Variants in ADAMTS18 observed in about 807,000 individuals in gnomAD.
ADAMTS18 encodes the protein ADAM metallopeptidase with thrombospondin type 1 motif 18.
A neutral mutation model predicts 165.9 loss-of-function variants in ADAMTS18; 157 were observed. That is an observed-to-expected ratio of 0.95 (90% confidence interval 0.83 to 1.08). ADAMTS18 has a LOEUF of 1.08. Ranked by LOEUF, ADAMTS18 falls within the 50% of genes least tolerant of loss-of-function variation. The pLI is 0.00. For synonymous variants in ADAMTS18, 782 were observed against 578.2 expected, an observed-to-expected ratio of 1.35 and a Z score of -5.06; for missense variants, 2,040 against 1,534.0, an observed-to-expected ratio of 1.33 and a Z score of -5.51.
At chr16:77,298,412 A>C (rs918228139) in intron 17 of ADAMTS18, among the ~76,000 whole-genome samples, 3 of 152,138 alleles carry the variant, frequency 2.0e-5, no homozygotes, top group Non-Finnish European at 2.9e-5. Context: ...TAATCTGAGA[A>C]AGAATAAGTC....
chr16:77,325,802 G>A (rs957926563), intron 13 of ADAMTS18, 64 bp downstream of exon 13: 1 of 1,504,142 alleles, frequency 6.6e-7, no homozygotes, highest in Admixed American at 1.8e-5. Context: ...AATTTCTTCT[G>A]TATTGGTCAA....
chr16:77,337,808 C>A (rs1470916328), intron 11 of ADAMTS18, among the ~76,000 whole-genome samples: 3 of 152,100 alleles, frequency 2.0e-5, no homozygotes, highest in African/African-American at 7.2e-5. Flanking sequence ...AATGTACACA[C>A]AGACCTGCAC....
chr16:77,398,805 T>G (rs186577705), intron 3 of ADAMTS18, among the ~76,000 whole-genome samples: 2 of 152,106 alleles, frequency 1.3e-5, no homozygotes, highest in Non-Finnish European at 2.9e-5. Flanking sequence ...ACAGCTACTG[T>G]TGTAGGTAGA....
chr16:77,320,017 G>C lies in ADAMTS18; in HGVS notation c.2364C>G (p.Tyr788Ter), dbSNP rs777518062. ...TTTGACTGAGGCTTCGAACTGCGAG[G>C]TAACTGGAGGAAACCTGCAGCTCCT... ...EIQELQVSSSYLAVRSLSQKY... is the reference protein window; with the variant it reads ...EIQELQVSSS Residue 788 changes from tyrosine (Y) to a stop codon, truncating the protein, a stop_gained, in exon 16 of 23, where the codon TAC (tyrosine) becomes TAG (stop). Transcript: ENST00000282849. LOFTEE classifies it high-confidence loss of function. The C allele has an allele frequency of 7.7e-5, 125 of 1,614,050 alleles. No individual in the cohort carries two copies. Among genetic ancestry groups the C allele is most frequent in the Non-Finnish European group, 1.0e-4 (123 of 1,180,036 alleles).
intron 12 of ADAMTS18, among the ~76,000 whole-genome samples, chr16:77,327,838 C>T (rs551176399): frequency 2.6e-5 from 4 of 152,280 alleles, no homozygotes; most frequent in African/African-American, 9.6e-5. Flanking sequence ...CCACACTTTG[C>T]CATGCACCTA....
chr16:77,334,896 G>C lies in ADAMTS18; in HGVS notation c.1859+860C>G, dbSNP rs1024865946. 2.2e-5 allele frequency among the ~76,000 whole-genome samples: 3 copies of C among 133,518 alleles called. No individual in the cohort carries two copies. The South Asian group carries it at 6.7e-4, about 30-fold the overall frequency. 87.6% of individuals were successfully genotyped at this position (133,518 alleles called of 152,430 possible). A position where few individuals can be genotyped will look rare whatever the true frequency, so the allele number is the denominator to read the frequency against. On this transcript the variant is annotated intron_variant, in intron 12 of 22. Coordinates refer to ENST00000282849, the MANE Select transcript of ADAMTS18 (RefSeq NM_199355.4). Reference sequence around the variant, plus strand: ...TATGCACTATATATTATAATATACAGTATATATACTGTACATTATAGTATA... The same window carrying C: ...TATGCACTATATATTATAATATACACTATATATACTGTACATTATAGTATA...
intron 13 of ADAMTS18, among the ~76,000 whole-genome samples, 186 bp from the exon 14 acceptor site, chr16:77,322,652 T>C (rs75258039): frequency 0.087 from 13,258 of 152,254 alleles, 793 homozygotes; most frequent in East Asian, 0.27. Flanking sequence ...TAACAATCCA[T>C]ATAAAACTAA....
At chr16:77,400,711 C>T (rs1331269688) in intron 3 of ADAMTS18, among the ~76,000 whole-genome samples, 11 of 151,490 alleles carry the variant, frequency 7.3e-5, no homozygotes, top group Non-Finnish European at 1.2e-4. Context: ...CCTCGTGATC[C>T]GCCTGCCTCG....
chr16:77,371,541 T>C lies in ADAMTS18; in HGVS notation c.496-3818A>G, dbSNP rs967022670. On this transcript the variant is annotated intron_variant, in intron 3 of 22. Transcript: ENST00000282849. ...AACACAGTGGGGAAAGGACAGTTTT[T>C]TCAACAAATAATGCTGGAAAAACTG... Among the ~76,000 whole-genome samples the C allele has an allele frequency of 2.6e-5, 4 of 152,284 alleles. No individual in the cohort carries two copies. In the East Asian group the frequency reaches 5.8e-4, roughly 22 times the overall value.
At chr16:77,337,213 G>A (rs997442908) in intron 11 of ADAMTS18, among the ~76,000 whole-genome samples, 3 of 152,124 alleles carry the variant, frequency 2.0e-5, no homozygotes, top group Admixed American at 6.5e-5. Context: ...GAAGGCTATC[G>A]GTCATTTGAG....
Position 77,293,113 on chromosome 16 carries a change from T to C in ADAMTS18, c.3152A>G (p.Asn1051Ser). The C allele has an allele frequency of 6.2e-7, 1 of 1,614,068 alleles. No individual in the cohort carries two copies. Among genetic ancestry groups the C allele is most frequent in the South Asian group, 1.1e-5 (1 of 91,068 alleles). Residue 1051 changes from asparagine to serine, a missense_variant, in exon 20 of 23, where the codon AAC becomes AGC. Physicochemically the swap from Asn to Ser is conservative, Grantham distance 46. Transcript: ENST00000282849. ...EGCVLGRCPK[N>S]SRLQWVASSW... ...AGAAGCGACCCACTGTAGCCGGCTGTTCTTGGGGCATCGTCCAAGCACACA... is the reference window on the plus strand; with the variant it reads ...AGAAGCGACCCACTGTAGCCGGCTGCTCTTGGGGCATCGTCCAAGCACACA...
At chr16:77,395,080 G>A (rs567318319) in intron 3 of ADAMTS18, among the ~76,000 whole-genome samples, 1 of 152,250 alleles carries the variant, frequency 6.6e-6, no homozygotes, top group South Asian at 2.1e-4. Context: ...CTTTATTTCT[G>A]GTCCAAGGAG....
At chr16:77,306,968 T>C (rs780630385) in intron 16 of ADAMTS18, among the ~76,000 whole-genome samples, 40 of 152,210 alleles carry the variant, frequency 2.6e-4, no homozygotes, top group Non-Finnish European at 4.9e-4. Flanking sequence ...TTTAAAATTC[T>C]AAAAACTGTG....
intron 3 of ADAMTS18, among the ~76,000 whole-genome samples, chr16:77,427,041 T>G (rs1469702613): frequency 6.7e-6 from 1 of 149,222 alleles, no homozygotes; most frequent in African/African-American, 2.4e-5. Flanking sequence ...TAAAAAATGA[T>G]GAGTCAATGT....
intron 7 of ADAMTS18, among the ~76,000 whole-genome samples, chr16:77,360,631 A>C (rs983253081): frequency 2.0e-5 from 3 of 152,252 alleles, no homozygotes; most frequent in Non-Finnish European, 4.4e-5. Context: ...CAAATTCAGA[A>C]TATGAATGGA....
intron 3 of ADAMTS18, among the ~76,000 whole-genome samples, chr16:77,390,630 C>A (rs1367691638): frequency 3.3e-5 from 5 of 151,130 alleles, no homozygotes; most frequent in African/African-American, 1.2e-4. Context: ...ACGGAGGTTG[C>A]AGTGAGTGGA....
At chr16:77,321,253 G>T (rs767939649) in intron 14 of ADAMTS18, 51 bp from the exon 15 acceptor site, 5 of 1,610,804 alleles carry the variant, frequency 3.1e-6, no homozygotes, top group Non-Finnish European at 4.2e-6. Flanking sequence ...AGAAGCCAGA[G>T]GCTGGGAATA....
chr16:77,397,345 T>C (rs907873865), intron 3 of ADAMTS18, among the ~76,000 whole-genome samples: 2 of 152,202 alleles, frequency 1.3e-5, no homozygotes, highest in African/African-American at 2.4e-5. Flanking sequence ...TAAAGGATGT[T>C]AGACTTCCCA....
At chr16:77,300,993 A>T (rs1341552765) in intron 16 of ADAMTS18, among the ~76,000 whole-genome samples, 1 of 152,240 alleles carries the variant, frequency 6.6e-6, no homozygotes, top group Non-Finnish European at 1.5e-5. Flanking sequence ...TACTTTCCAT[A>T]GAAAATTTTC....
Sources: allele counts gnomAD v4.1 joint callset (sites outside exome capture counted in the v4.1 genomes callset), GRCh38; gene constraint gnomAD v4.1.1; transcripts MANE v1.5; gene names NCBI Gene and HGNC (gene_info 2026-07-23, HGNC 2026-07-21).